Variants in FGF22 observed in about 807,000 individuals in gnomAD.
The protein encoded by FGF22 is FGF-22.
Under a neutral mutation model 10.3 loss-of-function variants are expected in FGF22, and 11 were observed. The ratio of observed to expected loss-of-function variants is 1.07; its 90% confidence interval spans 0.67 to 1.77. The LOEUF is 1.77. Ranked by LOEUF, FGF22 falls within the 40% of genes most tolerant of loss-of-function variation. The probability of loss-of-function intolerance (pLI) is 0.00; values close to 1 mark genes in which losing one functional copy is unlikely to be tolerated. For missense variants in FGF22, 317 were observed against 273.2 expected (o/e 1.16, Z -1.13); for synonymous variants, 136 against 122.1 (o/e 1.11, Z -0.75).
chr19:643,103 G>GC, intron 1 of FGF22, 132 bp from the exon 2 acceptor site: 1 of 114,708 alleles, frequency 8.7e-6, no homozygotes, highest in Non-Finnish European at 1.5e-5. Flanking sequence ...CGTCGTGGTC[G>GC]GGAGGGGACT....
exon 3 of FGF22, chr19:644,084 C>T (rs1001270053): frequency 3.4e-5 from 6 of 175,576 alleles, no homozygotes; most frequent in Non-Finnish European, 7.2e-5. Context: ...GAGGAGCATC[C>T]AGGGTGGGGG....
chr19:643,135 G>C (rs1020770357), intron 1 of FGF22, 100 bp from the exon 2 acceptor site: 24 of 255,094 alleles, frequency 9.4e-5, no homozygotes, highest in South Asian at 3.6e-4. Flanking sequence ...GGGTCTCCTG[G>C]TATCTGTCGT....
At chr19:643,387 G>GCC in intron 2 of FGF22, 23 bp from the exon 3 acceptor site, 1 of 578,604 alleles carries the variant, frequency 1.7e-6, no homozygotes, top group Non-Finnish European at 3.2e-6. Context: ...GGGAGGGTGG[G>GCC]CCGGCCTCAC....
At chr19:643,527 A>G (rs200820027) in exon 3 of FGF22, 2 of 1,601,138 alleles carry the variant, frequency 1.2e-6, no homozygotes, top group Admixed American at 1.7e-5. Flanking sequence ...GCTGGACAGG[A>G]GGGGGGGGCC....
chr19:642,157 AGAGTCCCAGTCCG>A (rs536871280), intron 1 of FGF22, among the ~76,000 whole-genome samples: 219 of 152,292 alleles, frequency 1.4e-3, no homozygotes, highest in African/African-American at 4.9e-3. Context: ...CCTCCAGTCC[AGAGTCCCAGTCCG>A]GAGTCCCAGT....
At chr19:640,190 A>T (rs1225805572) in intron 1 of FGF22, 51 bp downstream of exon 1, 1 of 1,187,368 alleles carries the variant, frequency 8.4e-7, no homozygotes, top group Admixed American at 4.3e-5. Context: ...GGGTGACGGC[A>T]ACGCGGCCGC....
intron 2 of FGF22, 33 bp from the exon 3 acceptor site, chr19:643,377 G>A: frequency 6.2e-7 from 1 of 1,602,898 alleles, no homozygotes; most frequent in Non-Finnish European, 8.5e-7. Context: ...GGGCAGGGTG[G>A]GGAGGGTGGG....
chr19:640,942 G>A (rs1985878228), intron 1 of FGF22: 26 of 339,872 alleles, frequency 7.6e-5, no homozygotes, highest in South Asian at 5.7e-4. Flanking sequence ...ACGTGACGAG[G>A]GCGGACAGGG....
chr19:641,264 C>T (rs1177914927), intron 1 of FGF22: 9 of 455,640 alleles, frequency 2.0e-5, no homozygotes, highest in East Asian at 1.4e-4. Context: ...TGAACAAGGG[C>T]GCAGGTGGGT....
chr19:641,136 C>G (rs751153693), intron 1 of FGF22: 31 of 455,886 alleles, frequency 6.8e-5, no homozygotes, highest in South Asian at 4.6e-4. Flanking sequence ...TTCGTGCATT[C>G]GCTGGTCACT....
exon 3 of FGF22, chr19:644,051 C>T (rs1986005382): frequency 1.6e-5 from 3 of 188,444 alleles, no homozygotes; most frequent in Non-Finnish European, 3.3e-5. Context: ...AGGACAAAGG[C>T]ACCTGCAGGT....
rs746793067 is a variant in FGF22 at position 643,332 on chromosome 19, C to A, written c.312C>A (p.Tyr104Ter). Residue 104 changes from tyrosine (Y) to a stop codon, truncating the protein, a stop_gained, in exon 2 of 3, where the codon TAC (tyrosine) becomes TAA (stop). Transcript: ENST00000215530. LOFTEE classifies it low-confidence loss of function (END_TRUNC). ...CCATGAACCGCCGGGGCCGCCTCTACGGGTCGGTGAGTGCCGGGCAGGGCT... is the reference window on the plus strand; with the variant it reads ...CCATGAACCGCCGGGGCCGCCTCTAAGGGTCGGTGAGTGCCGGGCAGGGCT... 2 of 1,368,866 alleles carry A rather than the reference C, an allele frequency of 1.5e-6. No individual in the cohort carries two copies. The highest frequency in any genetic ancestry group is 1.1e-5 in the South Asian group (1 of 87,724). The allele number at this position is 1,368,866 out of a possible 1,614,324, so 84.8% of individuals were successfully genotyped here.
At chr19:640,026 C>A in exon 1 of FGF22, 1 of 1,380,386 alleles carries the variant, frequency 7.2e-7, no homozygotes, top group Non-Finnish European at 9.4e-7. Context: ...CGCAGCTACC[C>A]GCACCTGGAG....
At chr19:640,087 C>T (rs1985851669) in exon 1 of FGF22, 2 of 1,410,674 alleles carry the variant, frequency 1.4e-6, no homozygotes, top group South Asian at 1.5e-5. Flanking sequence ...TCTTCCTGCG[C>T]GTGGATCCCG....
chr19:644,303 T>C (rs1244481891), exon 3 of FGF22: 1 of 152,400 alleles, frequency 6.6e-6, no homozygotes, highest in Non-Finnish European at 1.5e-5. Context: ...TGCCTTGATA[T>C]GAGCCCAGTG....
In FGF22 at chr19:643,148, T is replaced by A. The variant is rs114093272; in HGVS notation, c.215-87T>A. On this transcript the variant is annotated intron_variant, in intron 1 of 2. Coordinates refer to ENST00000215530, the Ensembl canonical transcript of FGF22. ...GGGGGTCTCCTGGTATCTGTCGTGG[T>A]CCTGAGGGCCCTGCACGAAGCACAG... 5,149 of 978,882 alleles carry A rather than the reference T, an allele frequency of 5.3e-3. 190 individuals carry two copies. In the African/African-American group the frequency reaches 0.073, roughly 14 times the overall value. The allele number at this position is 978,882 out of a possible 1,614,324, so 60.6% of individuals were successfully genotyped here. A position where few individuals can be genotyped will look rare whatever the true frequency, so the allele number is the denominator to read the frequency against.
At chr19:640,057 C>T (rs1175749828) in exon 1 of FGF22, 1 of 1,416,498 alleles carries the variant, frequency 7.1e-7, no homozygotes, top group Admixed American at 2.7e-5. Context: ...GCTGGCGGCG[C>T]CTCTTCTCCT....
intron 1 of FGF22, among the ~76,000 whole-genome samples, chr19:641,995 T>C (rs1416350792): frequency 6.6e-6 from 1 of 152,160 alleles, no homozygotes; most frequent in Non-Finnish European, 1.5e-5. Flanking sequence ...CGTCCAAATC[T>C]GGCTCTGCCA....
intron 1 of FGF22, chr19:641,015 A>G (rs1985881330): frequency 5.4e-6 from 2 of 372,616 alleles, no homozygotes; most frequent in South Asian, 3.8e-5. Flanking sequence ...GGGCCGGGGC[A>G]GAGGCCTGGC....
Sources: allele counts gnomAD v4.1 joint callset (sites outside exome capture counted in the v4.1 genomes callset), GRCh38; gene constraint gnomAD v4.1.1; transcripts MANE v1.5; gene names NCBI Gene and HGNC (gene_info 2026-07-23, HGNC 2026-07-21).